ZNF506: variants seen among roughly 807,000 people sequenced by gnomAD.
ZNF506 encodes the protein zinc finger protein 506.
ZNF506 carries 10 observed loss-of-function variants against 11.6 expected under a neutral mutation model. That is an observed-to-expected ratio of 0.86 (90% CI 0.53 to 1.46). ZNF506 has a LOEUF of 1.46. Among genes scored for constraint, ZNF506 ranks in the 40% most tolerant of loss-of-function variants. The pLI is 0.00. For missense variants in ZNF506, 425 were observed against 521.2 expected, an observed-to-expected ratio of 0.82 and a Z score of 1.80; for synonymous variants, 156 against 173.3, an observed-to-expected ratio of 0.90 and a Z score of 0.78.
chr19:19,799,476 AC>A, intron 3 of ZNF506: 1 of 660,248 alleles, frequency 1.5e-6, no homozygotes. Flanking sequence ...CAAAGTCTTA[AC>A]ACATTTTTTT....
In ZNF506 at chr19:19,821,618, G is replaced by C; in HGVS notation, c.-15C>G. On this transcript the variant is annotated 5_prime_UTR_variant, in exon 1 of 4. Transcript: ENST00000540806. ...ACTCTCACCATTTCTAGGCTTCCAGGGGGTCCCGGCGTCCTAGCTGTGACC... is the reference window on the plus strand; with the variant it reads ...ACTCTCACCATTTCTAGGCTTCCAGCGGGTCCCGGCGTCCTAGCTGTGACC... 1 of 1,614,004 alleles carries C rather than the reference G, an allele frequency of 6.2e-7. No individual in the cohort carries two copies. Among genetic ancestry groups the C allele is most frequent in the Non-Finnish European group, 8.5e-7 (1 of 1,179,908 alleles).
Position 19,794,801 on chromosome 19 carries a change from A to T in ZNF506, c.1086T>A (p.Ala362=), listed in dbSNP as rs778133786. The T allele has an allele frequency of 2.5e-6, 4 of 1,613,856 alleles. No homozygotes were observed. In the South Asian group the frequency reaches 3.3e-5, roughly 13 times the overall value. The change falls in exon 4 of 4, where the codon GCT becomes GCA. Residue 362 remains alanine, a synonymous_variant. Coordinates refer to ENST00000540806, the MANE Select transcript of ZNF506 (RefSeq NM_001099269.3). ...WYSSLSKHKR[A]HTGEKPYKCE... is the part of the protein sequence containing the mutation. ...ACTTGTAGGGTTTCTCTCCAGTATG[A>T]GCTCTCTTATGTTTAGAGAGGCTTG...
At chr19:19,812,224 A>C (rs1302094951) in intron 1 of ZNF506, among the ~76,000 whole-genome samples, 1 of 152,228 alleles carries the variant, frequency 6.6e-6, no homozygotes, top group Non-Finnish European at 1.5e-5. Context: ...TCAGCCTGAC[A>C]CAATTCTGCA....
At chr19:19,811,017 T>C (rs1477637455) in intron 1 of ZNF506, among the ~76,000 whole-genome samples, 1 of 152,196 alleles carries the variant, frequency 6.6e-6, no homozygotes, top group Non-Finnish European at 1.5e-5. Context: ...ACTGGGGTAC[T>C]TCCAGTTTTG....
rs774821013 is a variant in ZNF506 at position 19,821,596 on chromosome 19, C to T, written c.3+5G>A. 3.1e-6 allele frequency: 5 copies of T among 1,614,098 alleles called. No individual in the cohort carries two copies. In the South Asian group the frequency reaches 4.4e-5, roughly 14 times the overall value. On this transcript the variant is annotated splice_donor_5th_base_variant and intron_variant, in intron 1 of 3. Coordinates refer to ENST00000540806, the MANE Select transcript of ZNF506 (RefSeq NM_001099269.3). ...TCTCTCGGGATGTCGAACTGGCACT[C>T]TCACCATTTCTAGGCTTCCAGGGGG...
In ZNF506 at chr19:19,821,643, C is replaced by T. The variant is rs779085487; in HGVS notation, c.-40G>A. On this transcript the variant is annotated 5_prime_UTR_variant, in exon 1 of 4. Transcript: ENST00000540806. ...GGGGTCCCGGCGTCCTAGCTGTGAC[C>T]CTCCTAATACCTGCAGGTCACAGGG... 4.3e-6 allele frequency: 7 copies of T among 1,613,590 alleles called. No individual in the cohort carries two copies. Among genetic ancestry groups the T allele is most frequent in the Non-Finnish European group, 5.1e-6 (6 of 1,179,652 alleles).
rs552084326 is a variant in ZNF506, at chr19:19,811,031, T to C, written c.4-3963A>G. 2.6e-5 allele frequency among the ~76,000 whole-genome samples: 4 copies of C among 152,162 alleles called. No homozygotes were observed. The South Asian group carries it at 6.2e-4, about 24-fold the overall frequency. On this transcript the variant is annotated intron_variant, in intron 1 of 3. Coordinates refer to ENST00000540806, the MANE Select transcript of ZNF506 (RefSeq NM_001099269.3). ...CACTGGGGTACTTCCAGTTTTGTTTTTCCTAAGCTTACCTAAAAGAAATGT... is the reference window on the plus strand; with the variant it reads ...CACTGGGGTACTTCCAGTTTTGTTTCTCCTAAGCTTACCTAAAAGAAATGT...
At position 19,793,152 on chromosome 19, in the gene ZNF506, T is replaced by C. The variant is rs758014256; in HGVS notation, c.*1400A>G. 7.1e-4 allele frequency among the ~76,000 whole-genome samples: 108 copies of C among 152,138 alleles called. No homozygotes were observed. Among genetic ancestry groups the C allele is most frequent in the Admixed American group, 1.2e-3 (19 of 15,266 alleles). ...TTTCAAGAAACAAGTACACTTTCAATGAAATTACAATGCTTCAGAAAATCT... is the reference window on the plus strand; with the variant it reads ...TTTCAAGAAACAAGTACACTTTCAACGAAATTACAATGCTTCAGAAAATCT... On this transcript the variant is annotated 3_prime_UTR_variant, in exon 4 of 4. Coordinates refer to ENST00000540806, the MANE Select transcript of ZNF506 (RefSeq NM_001099269.3).
chr19:19,814,412 A>ATAAT (rs1028963409), intron 1 of ZNF506, among the ~76,000 whole-genome samples: 18 of 136,738 alleles, frequency 1.3e-4, no homozygotes, highest in East Asian at 8.8e-4. Flanking sequence ...CCATCTCAAA[A>ATAAT]TAATAATAAT....
chr19:19,821,244 A>T lies in ZNF506; in HGVS notation c.3+357T>A, dbSNP rs570479119. ...AAAAGAGAAACTGTGAACCCCACGA[A>T]CCAAAGCTCTTCCCATTCATGAACC... On this transcript the variant is annotated intron_variant, in intron 1 of 3. Coordinates refer to ENST00000540806, the MANE Select transcript of ZNF506 (RefSeq NM_001099269.3). Among the ~76,000 whole-genome samples the T allele has an allele frequency of 1.2e-3, 176 of 152,182 alleles. 1 individual carries two copies. Among genetic ancestry groups the T allele is most frequent in the African/African-American group, 4.1e-3 (172 of 41,522 alleles).
At chr19:19,821,309 T>G (rs2062965613) in intron 1 of ZNF506, among the ~76,000 whole-genome samples, 1 of 152,162 alleles carries the variant, frequency 6.6e-6, no homozygotes, top group South Asian at 2.1e-4. Context: ...GACCTTCCCG[T>G]GGCCCCTGAA....
In ZNF506 at chr19:19,792,757, G is replaced by GAA. The variant is rs60044672; in HGVS notation, c.*1793_*1794dup. Among the ~76,000 whole-genome samples the GAA allele has an allele frequency of 8.6e-5, 13 of 151,040 alleles. No homozygotes were observed. The highest frequency in any genetic ancestry group is 3.9e-4 in the East Asian group (2 of 5,170). The stretch of plus-strand genomic sequence containing the variant: ...AATAAAGTAATTCATTATAATTTTT[G>GAA]AAAAAAAAAGTTTTAAAATGGTCTG... On this transcript the variant is annotated 3_prime_UTR_variant, in exon 4 of 4. Transcript: ENST00000540806.
rs373979727 is a variant in ZNF506, at chr19:19,797,537, G to A, written c.227-1877C>T. On this transcript the variant is annotated intron_variant, in intron 3 of 3. Transcript: ENST00000540806. ...AGATTAGAAAAACGAGGATAACAAC[G>A]AAAAAATATTAAAATAGAAAACAAA... The A allele has an allele frequency of 1.2e-3, 180 of 150,638 alleles. 1 individual carries two copies. Among genetic ancestry groups the A allele is most frequent in the African/African-American group, 4.2e-3 (173 of 41,176 alleles). 9.3% of individuals were successfully genotyped at this position (150,638 alleles called of 1,614,324 possible).
In ZNF506 at chr19:19,821,629, G is replaced by A; in HGVS notation, c.-26C>T. ...TTCTAGGCTTCCAGGGGGTCCCGGC[G>A]TCCTAGCTGTGACCCTCCTAATACC... On this transcript the variant is annotated 5_prime_UTR_variant, in exon 1 of 4. In the 5' UTR this introduces an upstream ATG that the reference lacks. Coordinates refer to ENST00000540806, the MANE Select transcript of ZNF506 (RefSeq NM_001099269.3). The A allele has an allele frequency of 6.2e-7, 1 of 1,613,870 alleles. No homozygotes were observed. The highest frequency in any genetic ancestry group is 1.1e-5 in the South Asian group (1 of 91,076).
rs370429248 is a variant in ZNF506 at position 19,816,390 on chromosome 19, C to T, written c.3+5211G>A. ...GTGGTGTTTTTGAGATGGAGTCTTG[C>T]TCTGCTGCCCAGGCTGAAGTGCAGT... On this transcript the variant is annotated intron_variant, in intron 1 of 3. Transcript: ENST00000540806. 6.7e-4 allele frequency among the ~76,000 whole-genome samples: 102 copies of T among 152,198 alleles called. 1 individual carries two copies. Among genetic ancestry groups the T allele is most frequent in the African/African-American group, 2.4e-3 (99 of 41,534 alleles).
chr19:19,805,612 G>T (rs993841023), intron 3 of ZNF506, among the ~76,000 whole-genome samples: 2 of 151,910 alleles, frequency 1.3e-5, no homozygotes, highest in Admixed American at 1.3e-4. Context: ...CAAAAAAATG[G>T]AACAGAAACT....
At position 19,821,716 on chromosome 19, in the gene ZNF506, C is replaced by A; in HGVS notation, c.-113G>T. On this transcript the variant is annotated 5_prime_UTR_variant, in exon 1 of 4. Coordinates refer to ENST00000540806, the MANE Select transcript of ZNF506 (RefSeq NM_001099269.3). Reference sequence around the variant, plus strand: ...AGCTGACGGCACAGAGCAGTGAAGACGATAGCTGGATCTCTGGCGTCAGCG... The same window carrying A: ...AGCTGACGGCACAGAGCAGTGAAGAAGATAGCTGGATCTCTGGCGTCAGCG... 6.5e-6 allele frequency: 9 copies of A among 1,374,344 alleles called. No homozygotes were observed. The highest frequency in any genetic ancestry group is 3.5e-5 in the South Asian group (3 of 85,998). The allele number at this position is 1,374,344 out of a possible 1,614,324, so 85.1% of individuals were successfully genotyped here. A position where few individuals can be genotyped will look rare whatever the true frequency, so the allele number is the denominator to read the frequency against.
At chr19:19,816,878 G>A (rs993011248) in intron 1 of ZNF506, among the ~76,000 whole-genome samples, 3 of 137,486 alleles carry the variant, frequency 2.2e-5, no homozygotes, top group East Asian at 2.2e-4. Context: ...GGAGTGCAAC[G>A]GCGCCGTCTT....
Position 19,801,182 on chromosome 19 carries a change from G to T in ZNF506, c.226+4849C>A, listed in dbSNP as rs184405904. On this transcript the variant is annotated intron_variant, in intron 3 of 3. Coordinates refer to ENST00000540806, the MANE Select transcript of ZNF506 (RefSeq NM_001099269.3). The stretch of plus-strand genomic sequence containing the variant: ...TTTTAAAAAAAATAAAAAAAGAAAA[G>T]AAAACAAAACAAAACAAAAAAAACC... Among the ~76,000 whole-genome samples, 1,386 of 151,712 alleles carry T rather than the reference G, an allele frequency of 9.1e-3. 11 individuals are homozygous for T. Among genetic ancestry groups the T allele is most frequent in the South Asian group, 0.03 (144 of 4,792 alleles).
Sources: allele counts gnomAD v4.1 joint callset (sites outside exome capture counted in the v4.1 genomes callset), GRCh38; gene constraint gnomAD v4.1.1; transcripts MANE v1.5; gene names NCBI Gene and HGNC (gene_info 2026-07-23, HGNC 2026-07-21).